CWC27: variants seen among roughly 807,000 people sequenced by gnomAD.
CWC27 encodes the protein CWC27 spliceosome associated cyclophilin, also known as spliceosome-associated protein CWC27 homolog.
CWC27 carries 47 observed loss-of-function variants against 63.6 expected under a neutral mutation model. That is an observed-to-expected ratio of 0.74 (90% CI 0.58 to 0.94). The LOEUF (loss-of-function observed/expected upper bound fraction) is 0.94, where lower values mean the gene tolerates loss of function less well. Among genes scored for constraint, CWC27 ranks in the 40% least tolerant of loss-of-function variants. The probability of loss-of-function intolerance (pLI) is 0.00; values close to 1 mark genes in which losing one functional copy is unlikely to be tolerated. For missense variants in CWC27, 495 were observed against 554.3 expected, an observed-to-expected ratio of 0.89 and a Z score of 1.07; for synonymous variants, 175 against 179.8, an observed-to-expected ratio of 0.97 and a Z score of 0.22.
intron 11 of CWC27, among the ~76,000 whole-genome samples, chr5:64,945,035 G>A (rs900598270): frequency 5.9e-5 from 9 of 152,038 alleles, no homozygotes; most frequent in African/African-American, 1.7e-4. Context: ...TTGCTTATCT[G>A]AGTACACATT....
chr5:64,807,482 G>T, intron 10 of CWC27: 1 of 1,312,684 alleles, frequency 7.6e-7, no homozygotes, highest in Non-Finnish European at 9.9e-7. Context: ...AATCCAAAAC[G>T]CTTCCTAGTT....
At chr5:64,878,470 TAAAA>T (rs397998002) in intron 10 of CWC27, among the ~76,000 whole-genome samples, 356 of 26,868 alleles carry the variant, frequency 0.013, 5 homozygotes, top group East Asian at 0.037. Context: ...GGTTACAGAT[TAAAA>T]AAAAAAAAAA....
intron 11 of CWC27, among the ~76,000 whole-genome samples, chr5:64,908,531 G>A (rs1366798217): frequency 6.6e-6 from 1 of 152,124 alleles, no homozygotes; most frequent in Non-Finnish European, 1.5e-5. Context: ...TCTCTTTGTA[G>A]GTTTCTAAGG....
intron 11 of CWC27, among the ~76,000 whole-genome samples, chr5:64,933,586 A>G (rs1748284002): frequency 6.8e-6 from 1 of 146,170 alleles, no homozygotes; most frequent in African/African-American, 2.5e-5. Flanking sequence ...TCCACCTCCC[A>G]GGTTCAAGCT....
chr5:64,795,426 A>T (rs1381240641), intron 7 of CWC27, among the ~76,000 whole-genome samples: 1 of 152,176 alleles, frequency 6.6e-6, no homozygotes, highest in Admixed American at 6.6e-5. Flanking sequence ...TTAGTGTCTT[A>T]TATTTCTGGA....
At chr5:64,782,171 G>C in intron 3 of CWC27, 138 bp downstream of exon 3, 1 of 471,578 alleles carries the variant, frequency 2.1e-6, no homozygotes. Context: ...CATCAGGCTG[G>C]GTGCAGTAGC....
intron 11 of CWC27, among the ~76,000 whole-genome samples, chr5:64,931,283 A>G (rs977888459): frequency 1.1e-4 from 16 of 151,954 alleles, no homozygotes; most frequent in African/African-American, 3.6e-4. Context: ...AAAAAAATTA[A>G]TATATATTTA....
intron 11 of CWC27, among the ~76,000 whole-genome samples, chr5:64,920,927 T>C (rs1303518739): frequency 1.3e-5 from 2 of 152,154 alleles, no homozygotes; most frequent in Non-Finnish European, 2.9e-5. Flanking sequence ...ATTGATCTTT[T>C]TTATGGATTT....
chr5:64,889,149 A>G, intron 11 of CWC27, among the ~76,000 whole-genome samples: 1 of 152,212 alleles, frequency 6.6e-6, no homozygotes, highest in African/African-American at 2.4e-5. Context: ...ATTGTCATAG[A>G]TCAAAAGAGA....
chr5:64,991,338 A>G (rs1429749362), intron 13 of CWC27, among the ~76,000 whole-genome samples: 3 of 151,960 alleles, frequency 2.0e-5, no homozygotes, highest in Non-Finnish European at 4.4e-5. Context: ...CCTTCAATAC[A>G]TGTTAGATAT....
intron 10 of CWC27, among the ~76,000 whole-genome samples, chr5:64,855,078 A>G (rs982512165): frequency 9.2e-5 from 14 of 152,212 alleles, no homozygotes; most frequent in Non-Finnish European, 4.4e-5. Context: ...CCAAGTTTAC[A>G]GTGAATGTGG....
chr5:65,014,550 T>A (rs997480541), intron 13 of CWC27, among the ~76,000 whole-genome samples: 1 of 152,004 alleles, frequency 6.6e-6, no homozygotes, highest in African/African-American at 2.4e-5. Flanking sequence ...TCCAAAAAAA[T>A]TCACTACTTT....
rs1261292056 is a variant in CWC27, at chr5:64,780,695, G to GCA, written c.140-1225_140-1224insAC. On this transcript the variant is annotated intron_variant, in intron 2 of 13. Transcript: ENST00000381070. ...ATCACTTGTATACACACGCGCACAC[G>GCA]CGCGCACACACACACACACACACCG... Among the ~76,000 whole-genome samples the GCA allele has an allele frequency of 9.4e-3, 505 of 53,894 alleles. 4 individuals carry two copies. Among genetic ancestry groups the GCA allele is most frequent in the African/African-American group, 0.019 (440 of 22,766 alleles). 35.4% of individuals were successfully genotyped at this position (53,894 alleles called of 152,430 possible).
At chr5:64,978,779 A>G (rs1413635554) in intron 13 of CWC27, among the ~76,000 whole-genome samples, 1 of 152,108 alleles carries the variant, frequency 6.6e-6, no homozygotes, top group Non-Finnish European at 1.5e-5. Context: ...TGATTCATTT[A>G]CACTTAACTC....
At chr5:64,859,045 G>C (rs1746332879) in intron 10 of CWC27, among the ~76,000 whole-genome samples, 1 of 152,188 alleles carries the variant, frequency 6.6e-6, no homozygotes, top group African/African-American at 2.4e-5. Flanking sequence ...TTTATGGAAT[G>C]TATTGGAAAT....
intron 10 of CWC27, among the ~76,000 whole-genome samples, chr5:64,817,434 A>G (rs1464362310): frequency 6.6e-6 from 1 of 152,164 alleles, no homozygotes; most frequent in Non-Finnish European, 1.5e-5. Context: ...AACAACAACA[A>G]CAAAACCTCA....
At chr5:64,772,781 C>T (rs892675432) in intron 1 of CWC27, among the ~76,000 whole-genome samples, 3 of 150,596 alleles carry the variant, frequency 2.0e-5, no homozygotes, top group African/African-American at 7.3e-5. Context: ...ACTAAAGATA[C>T]AAAAAATTAG....
intron 10 of CWC27, among the ~76,000 whole-genome samples, chr5:64,815,985 G>C (rs1227985906): frequency 6.6e-6 from 1 of 152,124 alleles, no homozygotes; most frequent in Non-Finnish European, 1.5e-5. Flanking sequence ...CCAGATAAAA[G>C]AATTGCATAC....
intron 10 of CWC27, among the ~76,000 whole-genome samples, chr5:64,820,395 TTTG>T (rs35631244): frequency 0.4 from 60,741 of 151,646 alleles, 13,449 homozygotes; most frequent in African/African-American, 0.59. Flanking sequence ...TGTTTAACTT[TTTG>T]TTGTTGTTGT....
Sources: allele counts gnomAD v4.1 joint callset (sites outside exome capture counted in the v4.1 genomes callset), GRCh38; gene constraint gnomAD v4.1.1; transcripts MANE v1.5; gene names NCBI Gene and HGNC (gene_info 2026-07-23, HGNC 2026-07-21).